Variants in PCDHA10 observed in about 807,000 individuals in gnomAD.
The protein encoded by PCDHA10 is protocadherin alpha-10.
Under a neutral mutation model 61.2 loss-of-function variants are expected in PCDHA10, and 45 were observed. The observed-to-expected ratio is 0.74, with a 90% CI of 0.58 to 0.94. The LOEUF is 0.94. Among genes scored for constraint, PCDHA10 ranks in the 40% least tolerant of loss-of-function variants. The pLI is 0.00. For missense variants in PCDHA10, 1,278 were observed against 1,236.2 expected, an observed-to-expected ratio of 1.03 and a Z score of -0.51; for synonymous variants, 602 against 548.8, an observed-to-expected ratio of 1.10 and a Z score of -1.35.
intron 1 of PCDHA10, among the ~76,000 whole-genome samples, chr5:140,902,026 A>G (rs1554190175): frequency 6.6e-6 from 1 of 152,114 alleles, no homozygotes; most frequent in Non-Finnish European, 1.5e-5. Flanking sequence ...TAGAAATACT[A>G]CTAATTTTTG....
chr5:140,862,975 G>A (rs2047690621), intron 1 of PCDHA10: 2 of 544,994 alleles, frequency 3.7e-6, no homozygotes, highest in Middle Eastern at 3.0e-4. Context: ...CAGGCCACTT[G>A]GTGGCGAAGG....
Position 141,010,322 on chromosome 5 carries a change from C to G in PCDHA10, c.*385C>G. 6.5e-7 allele frequency: 1 copy of G among 1,540,986 alleles called. No homozygotes were observed. The highest frequency in any genetic ancestry group is 8.7e-7 in the Non-Finnish European group (1 of 1,143,174). Reference sequence around the variant, plus strand: ...GCTGAAAAGTTTTGAGATTGAGCAGCTTGGGAGTTTGTGGCCACTGGGTAT... The same window carrying G: ...GCTGAAAAGTTTTGAGATTGAGCAGGTTGGGAGTTTGTGGCCACTGGGTAT... On this transcript the variant is annotated 3_prime_UTR_variant, in exon 4 of 4. Transcript: ENST00000307360.
At chr5:140,874,401 A>G (rs2054889687) in intron 1 of PCDHA10, among the ~76,000 whole-genome samples, 1 of 152,218 alleles carries the variant, frequency 6.6e-6, no homozygotes, top group African/African-American at 2.4e-5. Context: ...CTTGCATAAC[A>G]GTCACCATTC....
At chr5:140,883,202 G>T in intron 1 of PCDHA10, 1 of 1,613,916 alleles carries the variant, frequency 6.2e-7, no homozygotes, top group Non-Finnish European at 8.5e-7. Context: ...AGATTTCGAA[G>T]AAAAGAAATT....
At chr5:140,870,029 A>T (rs1201766971) in intron 1 of PCDHA10, 4 of 1,613,792 alleles carry the variant, frequency 2.5e-6, no homozygotes, top group Non-Finnish European at 3.4e-6. Flanking sequence ...ACTTTAGATT[A>T]TGAAGAAAAC....
chr5:140,898,056 T>A (rs1330796298), intron 1 of PCDHA10, among the ~76,000 whole-genome samples: 5 of 152,202 alleles, frequency 3.3e-5, no homozygotes, highest in Admixed American at 3.3e-4. Context: ...TTCTTGTAAA[T>A]TTGTTTGAGT....
chr5:140,883,966 G>A, intron 1 of PCDHA10: 1 of 1,613,094 alleles, frequency 6.2e-7, no homozygotes. Flanking sequence ...CGGCGCTGCT[G>A]ACGCCCGGGG....
intron 1 of PCDHA10, among the ~76,000 whole-genome samples, chr5:140,951,285 A>T (rs1267785922): frequency 6.6e-6 from 1 of 152,100 alleles, no homozygotes; most frequent in East Asian, 1.9e-4. Context: ...GTAATTTTGG[A>T]TTATATCTTG....
intron 1 of PCDHA10, chr5:140,967,990 G>C: frequency 6.2e-7 from 1 of 1,614,232 alleles, no homozygotes; most frequent in Non-Finnish European, 8.5e-7. Flanking sequence ...AGGCCACACT[G>C]CCTTTCCGAC....
intron 1 of PCDHA10, among the ~76,000 whole-genome samples, chr5:140,914,012 G>A (rs2153528687): frequency 6.6e-6 from 1 of 152,234 alleles, no homozygotes; most frequent in Admixed American, 6.5e-5. Context: ...CTATCTTTGA[G>A]AATGATCCAC....
intron 1 of PCDHA10, among the ~76,000 whole-genome samples, chr5:140,952,530 A>T (rs246033): frequency 6.6e-6 from 1 of 151,882 alleles, no homozygotes; most frequent in Non-Finnish European, 1.5e-5. Context: ...ACCTCCTCAG[A>T]CTGGACTTCT....
intron 1 of PCDHA10, among the ~76,000 whole-genome samples, chr5:140,973,020 T>A (rs1057155557): frequency 6.6e-6 from 1 of 152,120 alleles, no homozygotes; most frequent in Non-Finnish European, 1.5e-5. Flanking sequence ...TTGTGATTGT[T>A]AATGAGTCAC....
At chr5:140,986,019 G>A (rs562523452) in intron 3 of PCDHA10, among the ~76,000 whole-genome samples, 66 of 152,154 alleles carry the variant, frequency 4.3e-4, no homozygotes, top group Middle Eastern at 3.4e-3. Flanking sequence ...GATTACAGGC[G>A]TGAGCCACTG....
chr5:140,971,091 T>G (rs1355075556), intron 1 of PCDHA10, among the ~76,000 whole-genome samples: 1 of 152,180 alleles, frequency 6.6e-6, no homozygotes, highest in Non-Finnish European at 1.5e-5. Flanking sequence ...AACAAATTCT[T>G]GTGAAGCCCT....
At chr5:140,945,437 A>T (rs2093790061) in intron 1 of PCDHA10, among the ~76,000 whole-genome samples, 1 of 152,192 alleles carries the variant, frequency 6.6e-6, no homozygotes, top group South Asian at 2.1e-4. Context: ...TTTTACAGAA[A>T]TATAAAAAAC....
chr5:140,893,384 G>T (rs2063960240), intron 1 of PCDHA10, among the ~76,000 whole-genome samples: 1 of 152,168 alleles, frequency 6.6e-6, no homozygotes, highest in South Asian at 2.1e-4. Flanking sequence ...ATGGGACAGT[G>T]GCTCATGCCT....
chr5:140,877,704 C>G, intron 1 of PCDHA10: 2 of 1,613,952 alleles, frequency 1.2e-6, no homozygotes, highest in South Asian at 1.1e-5. Context: ...GCTCCAGCGC[C>G]GTGGGGAGTT....
At chr5:140,958,295 C>T (rs1405336220) in intron 1 of PCDHA10, among the ~76,000 whole-genome samples, 1 of 151,884 alleles carries the variant, frequency 6.6e-6, no homozygotes, top group Admixed American at 6.6e-5. Context: ...TATTATTGAA[C>T]TTAATTAAAA....
chr5:140,892,384 A>T (rs1313796499), intron 1 of PCDHA10, among the ~76,000 whole-genome samples: 1 of 152,162 alleles, frequency 6.6e-6, no homozygotes, highest in Non-Finnish European at 1.5e-5. Flanking sequence ...AATCATGGGT[A>T]ATCTTAATCT....
Sources: gnomAD v4.1 joint callset for allele counts (sites outside exome capture counted in the v4.1 genomes callset) on GRCh38, gnomAD v4.1.1 for gene constraint, MANE v1.5 for transcripts, NCBI Gene and HGNC (gene_info 2026-07-23, HGNC 2026-07-21) for gene names.